POGLUT2: variants seen among roughly 807,000 people sequenced by gnomAD.
POGLUT2 encodes the protein protein O-glucosyltransferase 2.
POGLUT2 carries 47 observed loss-of-function variants against 57.6 expected under a neutral mutation model. The ratio of observed to expected loss-of-function variants is 0.82; its 90% CI spans 0.65 to 1.04. The LOEUF (loss-of-function observed/expected upper bound fraction) is 1.04. Ranked by LOEUF, POGLUT2 falls within the 50% of genes least tolerant of loss-of-function variation. The probability of loss-of-function intolerance (pLI) is 0.00; values close to 1 mark genes in which losing one functional copy is unlikely to be tolerated. For missense variants in POGLUT2, 565 were observed against 614.8 expected, an observed-to-expected ratio of 0.92 and a Z score of 0.86; for synonymous variants, 200 against 218.8, an observed-to-expected ratio of 0.91 and a Z score of 0.76.
intron 2 of POGLUT2, among the ~76,000 whole-genome samples, chr13:102,795,479 C>T (rs1487507905): frequency 2.0e-5 from 3 of 152,032 alleles, no homozygotes; most frequent in East Asian, 1.9e-4. Flanking sequence ...GGGAGGATTG[C>T]TTGAACCCAG....
chr13:102,791,487 T>C lies in POGLUT2; in HGVS notation c.673-57A>G, dbSNP rs1878177791. The C allele has an allele frequency of 4.9e-6, 7 of 1,435,804 alleles. No homozygotes were observed. In the South Asian group the frequency reaches 8.5e-5, roughly 18 times the overall value. 88.9% of individuals were successfully genotyped at this position (1,435,804 alleles called of 1,614,324 possible). ...ATTTCCTGCATTGGATAATACATTG[T>C]ATTTATCAATTTAAATTTGAAATTG... On this transcript the variant is annotated intron_variant, in intron 4 of 9. Transcript: ENST00000376004.
At chr13:102,788,907 C>A (rs1878058922) in intron 7 of POGLUT2, 105 bp downstream of exon 7, 1 of 1,004,166 alleles carries the variant, frequency 1.0e-6, no homozygotes. Flanking sequence ...AGGCCAAAGT[C>A]TATTACGTGA....
At chr13:102,790,434 T>C (rs1878121944) in intron 6 of POGLUT2, among the ~76,000 whole-genome samples, 1 of 152,220 alleles carries the variant, frequency 6.6e-6, no homozygotes, top group Admixed American at 6.5e-5. Context: ...GGAATCCACA[T>C]TCTAGACAGA....
chr13:102,792,038 C>G (rs1351436102), intron 4 of POGLUT2: 1 of 1,289,636 alleles, frequency 7.8e-7, no homozygotes, highest in East Asian at 5.6e-5. Flanking sequence ...GAAGAACATT[C>G]TCATTTTCCC....
chr13:102,798,768 C>G lies in POGLUT2; in HGVS notation c.-98G>C, dbSNP rs1878555945. On this transcript the variant is annotated 5_prime_UTR_variant, in exon 1 of 10. Coordinates refer to ENST00000376004, the MANE Select transcript of POGLUT2 (RefSeq NM_024089.3). The stretch of plus-strand genomic sequence containing the variant: ...CTTCGGCAGGGACCCGCCGGCCGAT[C>G]GCAGCAGCCAACGCGACTGCAAAGG... 7.9e-7 allele frequency: 1 copy of G among 1,269,250 alleles called. No homozygotes were observed. The highest frequency in any genetic ancestry group is 1.1e-6 in the Non-Finnish European group (1 of 946,298). 78.6% of individuals were successfully genotyped at this position (1,269,250 alleles called of 1,614,324 possible). A position where few individuals can be genotyped will look rare whatever the true frequency, so the allele number is the denominator to read the frequency against.
chr13:102,786,312 GCTCA>G lies in POGLUT2; in HGVS notation c.1407_1410del (p.Glu470ProfsTer7). ...CTTTTCATGCCCTCTCGGATTTGGG[GCTCA>G]CTCACTTGTAAATTGGCATATTCCT... is the stretch of plus-strand genomic sequence containing the variant. On this transcript the variant is annotated frameshift_variant, in exon 9 of 10. Coordinates refer to ENST00000376004, the MANE Select transcript of POGLUT2 (RefSeq NM_024089.3). LOFTEE classifies it high-confidence loss of function. 1 of 1,613,476 alleles carries G rather than the reference GCTCA, an allele frequency of 6.2e-7. No homozygotes were observed. Among genetic ancestry groups the G allele is most frequent in the Non-Finnish European group, 8.5e-7 (1 of 1,179,424 alleles).
At position 102,798,738 on chromosome 13, in the gene POGLUT2, C is replaced by A; in HGVS notation, c.-68G>T. 1 of 1,426,426 alleles carries A rather than the reference C, an allele frequency of 7.0e-7. No individual in the cohort carries two copies. The highest frequency in any genetic ancestry group is 9.3e-7 in the Non-Finnish European group (1 of 1,079,442). 88.4% of individuals were successfully genotyped at this position (1,426,426 alleles called of 1,614,324 possible). The stretch of plus-strand genomic sequence containing the variant: ...AGTGTAAGAGGTGGACAGAAGCAGC[C>A]GAGCCTTCGGCAGGGACCCGCCGGC... On this transcript the variant is annotated 5_prime_UTR_variant, in exon 1 of 10. Transcript: ENST00000376004.
intron 2 of POGLUT2, among the ~76,000 whole-genome samples, chr13:102,796,317 T>A (rs868242385): frequency 0.045 from 5,973 of 133,634 alleles, 172 homozygotes; most frequent in Non-Finnish European, 0.056. Context: ...AAAAAATAAA[T>A]AAATAAATAA....
rs372231388 is a variant in POGLUT2 at position 102,789,124 on chromosome 13, T to C, written c.1181A>G (p.Tyr394Cys). The change falls in exon 7 of 10, where the codon TAC (tyrosine) becomes TGC (cysteine). Residue 394 changes from tyrosine to cysteine, a missense_variant. Coordinates refer to ENST00000376004, the MANE Select transcript of POGLUT2 (RefSeq NM_024089.3). ...DSVVLKQDSI[Y>C]YEHFYNELQP... ...CAGCTCATTGTAAAAATGTTCATAGTAGATGGAATCCTGCTTCAGCACAAC... is the reference window on the plus strand; with the variant it reads ...CAGCTCATTGTAAAAATGTTCATAGCAGATGGAATCCTGCTTCAGCACAAC... The C allele has an allele frequency of 1.2e-6, 2 of 1,614,144 alleles. No homozygotes were observed. The highest frequency in any genetic ancestry group is 8.5e-7 in the Non-Finnish European group (1 of 1,179,966).
In POGLUT2 at chr13:102,798,500, T is replaced by A. The variant is rs1175426227; in HGVS notation, c.171A>T (p.Thr57=). The A allele has an allele frequency of 4.4e-6, 7 of 1,604,780 alleles. No individual in the cohort carries two copies. The South Asian group carries it at 6.7e-5, about 15-fold the overall frequency. The change falls in exon 1 of 10, where the codon ACA becomes ACT. Residue 57 remains threonine, a synonymous_variant. Coordinates refer to ENST00000376004, the MANE Select transcript of POGLUT2 (RefSeq NM_024089.3). The part of the protein sequence containing the change: ...ARYFYIQAVD[T]SGNKFTSSPG... The stretch of plus-strand genomic sequence containing the variant: ...GTTTCTCGACTTACTTATTCCCTGA[T>A]GTATCCACTGCCTGAATATAGAAAT...
In POGLUT2 at chr13:102,798,710, A is replaced by T. The variant is rs773665164; in HGVS notation, c.-40T>A. ...CTCGAAATGATCCACCGATAAATGA[A>T]GAAGTGTAAGAGGTGGACAGAAGCA... On this transcript the variant is annotated 5_prime_UTR_variant, in exon 1 of 10. Coordinates refer to ENST00000376004, the MANE Select transcript of POGLUT2 (RefSeq NM_024089.3). 1.6e-5 allele frequency: 24 copies of T among 1,545,440 alleles called. No individual in the cohort carries two copies. The highest frequency in any genetic ancestry group is 2.1e-5 in the Non-Finnish European group (24 of 1,142,868).
rs1400008265 is a variant in POGLUT2 at position 102,797,031 on chromosome 13, G to T, written c.183-22C>A. ...GAATCTGTGATGAAAAGGCAATGGG[G>T]GAGATAAACAGATTTTAACGAACAA... is the stretch of plus-strand genomic sequence containing the variant. On this transcript the variant is annotated intron_variant, in intron 1 of 9. Transcript: ENST00000376004. 1.9e-6 allele frequency: 3 copies of T among 1,553,502 alleles called. No individual in the cohort carries two copies. In the South Asian group the frequency reaches 3.4e-5, roughly 17 times the overall value.
Position 102,798,633 on chromosome 13 carries a change from G to A in POGLUT2, c.38C>T (p.Ala13Val). ...GTLLLYCFFL[A>V]TVPALAETGG... ...GGTCTCGGCGAGTGCTGGAACTGTC[G>A]CCAGAAAGAAGCAATAAAGTAGCAA... is the stretch of plus-strand genomic sequence containing the variant. The change falls in exon 1 of 10, where the codon GCG (alanine) becomes GTG (valine). Residue 13 changes from alanine to valine, a missense_variant. By Grantham distance (64) the Ala-to-Val change is moderately conservative. Transcript: ENST00000376004. 6.2e-7 allele frequency: 1 copy of A among 1,608,892 alleles called. No homozygotes were observed. The highest frequency in any genetic ancestry group is 8.5e-7 in the Non-Finnish European group (1 of 1,178,112).
chr13:102,791,078 A>C lies in POGLUT2; in HGVS notation c.906T>G (p.Asn302Lys). The change falls in exon 6 of 10, where the codon AAT (asparagine) becomes AAG (lysine). Residue 302 changes from asparagine (N) to lysine (K), a missense_variant. Asn to Lys is a moderately conservative substitution (Grantham distance 94). Coordinates refer to ENST00000376004, the MANE Select transcript of POGLUT2 (RefSeq NM_024089.3). Reference sequence around the variant, plus strand: ...CTCGCCCTCTCCAGACGGCAGTGGAATTTTTGCTTTCCCAGGGAGGACCCG... The same window carrying C: ...CTCGCCCTCTCCAGACGGCAGTGGACTTTTTGCTTTCCCAGGGAGGACCCG... ...ANTGPPWESKNSTAVWRGRDS... is the reference protein window; with the variant it reads ...ANTGPPWESKKSTAVWRGRDS... The C allele has an allele frequency of 6.2e-7, 1 of 1,614,152 alleles. No individual in the cohort carries two copies. Among genetic ancestry groups the C allele is most frequent in the Non-Finnish European group, 8.5e-7 (1 of 1,180,020 alleles).
At chr13:102,793,922 A>C (rs1417706844) in intron 2 of POGLUT2, 116 bp from the exon 3 acceptor site, 1 of 853,574 alleles carries the variant, frequency 1.2e-6, no homozygotes, top group African/African-American at 1.7e-5. Context: ...TAGGAAGAGC[A>C]TTTTCATTGA....
intron 2 of POGLUT2, among the ~76,000 whole-genome samples, chr13:102,795,050 G>C (rs900872672): frequency 6.7e-6 from 1 of 149,756 alleles, no homozygotes; most frequent in East Asian, 2.0e-4. Flanking sequence ...TCAGGAGATC[G>C]AGACCATCCT....
intron 3 of POGLUT2, 61 bp downstream of exon 3, chr13:102,793,540 A>G: frequency 3.4e-6 from 5 of 1,475,174 alleles, no homozygotes; most frequent in Non-Finnish European, 4.7e-6. Flanking sequence ...AATTGTAGCC[A>G]AATGTTCAAA....
intron 4 of POGLUT2, chr13:102,793,015 A>T (rs1236753384): frequency 9.2e-6 from 2 of 216,876 alleles, no homozygotes; most frequent in Non-Finnish European, 1.8e-5. Flanking sequence ...GGCTCAAGTG[A>T]TCCACCCGCT....
rs1878059277 is a variant in POGLUT2 at position 102,788,914 on chromosome 13, G to T, written c.1293+98C>A. The T allele has an allele frequency of 1.0e-5, 11 of 1,057,932 alleles. 1 individual carries two copies. Among genetic ancestry groups the T allele is most frequent in the Non-Finnish European group, 1.5e-5 (10 of 689,250 alleles). The allele number at this position is 1,057,932 out of a possible 1,614,324, so 65.5% of individuals were successfully genotyped here. A position where few individuals can be genotyped will look rare whatever the true frequency, so the allele number is the denominator to read the frequency against. On this transcript the variant is annotated intron_variant, in intron 7 of 9. Transcript: ENST00000376004. ...CCATTTACAGGCCAAAGTCTATTAC[G>T]TGAACATCCTGGATGCTCTCCAGGT... is the stretch of plus-strand genomic sequence containing the variant.
Sources: allele counts gnomAD v4.1 joint callset (sites outside exome capture counted in the v4.1 genomes callset), GRCh38; gene constraint gnomAD v4.1.1; transcripts MANE v1.5; gene names NCBI Gene and HGNC (gene_info 2026-07-23, HGNC 2026-07-21).